The following DOCK5 variants were observed in gnomAD, a reference collection of about 807,000 sequenced individuals.
DOCK5 encodes dedicator of cytokinesis protein 5.
A neutral mutation model predicts 251.8 loss-of-function variants in DOCK5; 142 were observed. That is an observed-to-expected ratio of 0.56 (90% CI 0.49 to 0.65). The LOEUF (loss-of-function observed/expected upper bound fraction) is 0.65, where lower values mean the gene tolerates loss of function less well. DOCK5 is among the 30% of genes least tolerant of loss of function. DOCK5 has a pLI of 0.00. For missense variants in DOCK5, 2,111 were observed against 2,312.3 expected, an observed-to-expected ratio of 0.91 and a Z score of 1.79; for synonymous variants, 842 against 835.5, an observed-to-expected ratio of 1.01 and a Z score of -0.13.
At chr8:25,382,246 G>A (rs907845894) in intron 39 of DOCK5, among the ~76,000 whole-genome samples, 3 of 152,152 alleles carry the variant, frequency 2.0e-5, no homozygotes, top group Non-Finnish European at 2.9e-5. Context: ...CAATGTGCAA[G>A]GATTATAGGC....
chr8:25,326,745 T>A (rs1805573472), intron 18 of DOCK5, among the ~76,000 whole-genome samples: 2 of 152,120 alleles, frequency 1.3e-5, no homozygotes, highest in Non-Finnish European at 2.9e-5. Flanking sequence ...AAGTAAACAA[T>A]GAGAGATGGA....
At position 25,296,568 on chromosome 8, in the gene DOCK5, G is replaced by C. The variant is rs749987596; in HGVS notation, c.526G>C (p.Asp176His). ...TGACAATGGGAACATCCTAGACCCT[G>C]ACGAAACCAGCACCATTGCCCTCTT... ...RDDNGNILDP[D>H]ETSTIALFKA... The change falls in exon 7 of 52, where the codon GAC (aspartate) becomes CAC (histidine). Residue 176 changes from aspartate (D) to histidine (H), a missense_variant. Physicochemically the swap from Asp to His is moderately conservative, Grantham distance 81 (BLOSUM62 -1). Around this residue, in one of 3 missense-constraint regions of DOCK5, gnomAD observed 335 missense variants for 324.9 expected, o/e 1.03. Transcript: ENST00000276440. 1 of 1,612,346 alleles carries C rather than the reference G, an allele frequency of 6.2e-7. No individual in the cohort carries two copies. The highest frequency in any genetic ancestry group is 8.5e-7 in the Non-Finnish European group (1 of 1,179,214).
chr8:25,227,479 A>G (rs1351584611), intron 1 of DOCK5, among the ~76,000 whole-genome samples: 3 of 151,804 alleles, frequency 2.0e-5, no homozygotes, highest in South Asian at 2.1e-4. Flanking sequence ...TTCTTATTTG[A>G]TTCCATTGAT....
intron 40 of DOCK5, among the ~76,000 whole-genome samples, chr8:25,386,805 A>G (rs1801172450): frequency 6.6e-6 from 1 of 152,190 alleles, no homozygotes; most frequent in Non-Finnish European, 1.5e-5. Flanking sequence ...AGTCGAAAGC[A>G]TTCTCGTCTA....
chr8:25,235,380 C>T (rs1341892779), intron 1 of DOCK5, among the ~76,000 whole-genome samples: 3 of 152,138 alleles, frequency 2.0e-5, no homozygotes, highest in South Asian at 2.1e-4. Context: ...CCCACCTCAC[C>T]CTCTCGGGTA....
chr8:25,406,060 G>A (rs1361259874), intron 48 of DOCK5, among the ~76,000 whole-genome samples: 3 of 152,114 alleles, frequency 2.0e-5, no homozygotes, highest in Non-Finnish European at 4.4e-5. Flanking sequence ...CCGGGTTCAC[G>A]CCATTCTCCT....
intron 1 of DOCK5, among the ~76,000 whole-genome samples, chr8:25,231,460 C>A (rs1188717173): frequency 6.6e-6 from 1 of 152,084 alleles, no homozygotes; most frequent in Non-Finnish European, 1.5e-5. Context: ...TTTATCATAA[C>A]CAAGCAATTT....
chr8:25,232,061 A>G (rs189980213), intron 1 of DOCK5, among the ~76,000 whole-genome samples: 11 of 152,326 alleles, frequency 7.2e-5, no homozygotes, highest in Non-Finnish European at 2.9e-5. Flanking sequence ...ATTCAATTCT[A>G]TTGTATTCAA....
intron 2 of DOCK5, among the ~76,000 whole-genome samples, chr8:25,265,852 G>T (rs1223226183): frequency 6.6e-6 from 1 of 151,850 alleles, no homozygotes. Flanking sequence ...TGAGAAGCCA[G>T]ATTTAAAGTA....
intron 30 of DOCK5, 115 bp downstream of exon 30, chr8:25,364,819 C>T: frequency 6.4e-6 from 5 of 781,660 alleles, no homozygotes; most frequent in Admixed American, 2.7e-5. Flanking sequence ...AAAGGTTTTC[C>T]TGTGTTTTTT....
chr8:25,337,185 A>G (rs184581543), intron 22 of DOCK5, among the ~76,000 whole-genome samples: 8 of 152,296 alleles, frequency 5.3e-5, no homozygotes, highest in Non-Finnish European at 8.8e-5. Flanking sequence ...TAAATGGTCA[A>G]TAAACTTTTT....
chr8:25,304,977 A>T (rs1038663574), intron 11 of DOCK5: 1 of 152,714 alleles, frequency 6.5e-6, no homozygotes, highest in Non-Finnish European at 1.5e-5. Context: ...AGCCATGGGT[A>T]GGCCATTGAG....
intron 45 of DOCK5, 152 bp downstream of exon 45, chr8:25,395,871 T>G: frequency 1.1e-6 from 1 of 946,132 alleles, no homozygotes; most frequent in Non-Finnish European, 1.7e-6. Flanking sequence ...ATGAAACGAT[T>G]GTCCCTGACT....
At chr8:25,189,299 C>T (rs572951753) in intron 1 of DOCK5, among the ~76,000 whole-genome samples, 1 of 152,154 alleles carries the variant, frequency 6.6e-6, no homozygotes, top group East Asian at 1.9e-4. Flanking sequence ...CTCGTGTGCT[C>T]CTTCAGCCTT....
Position 25,359,012 on chromosome 8 carries a change from G to A in DOCK5, c.2900G>A (p.Ser967Asn). The change falls in exon 28 of 52, where the codon AGC becomes AAC. Residue 967 changes from serine to asparagine, a missense_variant. Physicochemically the swap from Ser to Asn is conservative, Grantham distance 46 (BLOSUM62 1). This residue lies in a region of DOCK5 where 1,717 missense variants were observed against 1,892.4 expected (regional missense o/e 0.91). Coordinates refer to ENST00000276440, the MANE Select transcript of DOCK5 (RefSeq NM_024940.8). ...MIALLQQMDD[S>N]HYSHYISTFK... ...GCCCTGCTGCAGCAAATGGACGACA[G>A]CCACTATAGCCACTACATCAGCACT... The A allele has an allele frequency of 6.2e-7, 1 of 1,613,988 alleles. No homozygotes were observed. The highest frequency in any genetic ancestry group is 2.2e-5 in the East Asian group (1 of 44,888).
intron 18 of DOCK5, among the ~76,000 whole-genome samples, chr8:25,327,020 C>G (rs769919849): frequency 1.4e-4 from 21 of 152,128 alleles, no homozygotes; most frequent in Non-Finnish European, 3.1e-4. Flanking sequence ...GCTTCAAATC[C>G]CAGCTCTGCC....
intron 37 of DOCK5, chr8:25,375,153 A>C: frequency 6.8e-6 from 2 of 292,830 alleles, no homozygotes; most frequent in Non-Finnish European, 1.1e-5. Flanking sequence ...TGATTGGCCA[A>C]TATGCAGCTC....
At chr8:25,311,565 G>T (rs1160516460) in intron 13 of DOCK5, among the ~76,000 whole-genome samples, 1 of 146,908 alleles carries the variant, frequency 6.8e-6, no homozygotes, top group African/African-American at 2.5e-5. Context: ...AAAGAAAAAA[G>T]AAAAACAACC....
intron 40 of DOCK5, among the ~76,000 whole-genome samples, chr8:25,383,550 A>C (rs894660920): frequency 6.6e-6 from 1 of 152,216 alleles, no homozygotes; most frequent in Admixed American, 6.5e-5. Context: ...TTAATCACAC[A>C]TGAATGTAAA....
Sources: gnomAD v4.1 joint callset for allele counts (sites outside exome capture counted in the v4.1 genomes callset) on GRCh38, gnomAD v4.1.1 for gene constraint, gnomAD v4.1.1 regional missense constraint, MANE v1.5 for transcripts, NCBI Gene and HGNC (gene_info 2026-07-23, HGNC 2026-07-21) for gene names.